BBOX1: variants seen among roughly 807,000 people sequenced by gnomAD.
The protein encoded by BBOX1 is gamma-butyrobetaine hydroxylase 1, also known as gamma-butyrobetaine dioxygenase.
Under a neutral mutation model 41.6 loss-of-function variants are expected in BBOX1, and 35 were observed. The observed-to-expected ratio is 0.84, with a 90% CI of 0.64 to 1.11. BBOX1 has a LOEUF of 1.11. Among genes scored for constraint, BBOX1 ranks in the 50% most tolerant of loss-of-function variants. The pLI, the probability that BBOX1 is intolerant of heterozygous loss-of-function variation, is 0.00. For synonymous variants in BBOX1, 163 were observed against 154.7 expected (o/e 1.05, Z -0.40); for missense variants, 458 against 460.6 (o/e 0.99, Z 0.05).
chr11:27,093,027 C>T (rs1302227384), intron 4 of BBOX1, 141 bp from the exon 5 acceptor site: 4 of 834,422 alleles, frequency 4.8e-6, no homozygotes, highest in Non-Finnish European at 7.3e-6. Flanking sequence ...GTGACTTGGG[C>T]ATTTCTAATA....
chr11:27,119,589 A>G, intron 6 of BBOX1, 60 bp from the exon 7 acceptor site: 1 of 949,004 alleles, frequency 1.1e-6, no homozygotes, highest in Non-Finnish European at 1.4e-6. Context: ...TTGAAGATTA[A>G]TTCTAATAAT....
intron 5 of BBOX1, among the ~76,000 whole-genome samples, chr11:27,110,798 G>T (rs982807886): frequency 1.3e-5 from 2 of 151,784 alleles, no homozygotes; most frequent in African/African-American, 4.8e-5. Context: ...CTAAATCAAT[G>T]ACTGAAATAG....
intron 4 of BBOX1, among the ~76,000 whole-genome samples, chr11:27,069,025 T>C (rs1857368788): frequency 6.6e-6 from 1 of 151,788 alleles, no homozygotes; most frequent in South Asian, 2.1e-4. Context: ...GATTTGCTCT[T>C]TTTTTTTAGG....
At chr11:27,071,640 T>A (rs1590185193) in intron 4 of BBOX1, among the ~76,000 whole-genome samples, 1 of 152,084 alleles carries the variant, frequency 6.6e-6, no homozygotes, top group Admixed American at 6.6e-5. Context: ...TAGACCAATA[T>A]CCCTGATGAA....
chr11:27,115,564 G>C lies in BBOX1; in HGVS notation c.639+7G>C, dbSNP rs2134095058. The C allele has an allele frequency of 6.3e-7, 1 of 1,591,532 alleles. No homozygotes were observed. Among genetic ancestry groups the C allele is most frequent in the South Asian group, 1.1e-5 (1 of 89,070 alleles). On this transcript the variant is annotated splice_region_variant and intron_variant, in intron 6 of 8. Coordinates refer to ENST00000263182, the MANE Select transcript of BBOX1 (RefSeq NM_003986.3). ...CCTCCATCATCCACCTGGGGTAAGTGAGCTTCAACATATTTTCCACAAAGC... is the reference window on the plus strand; with the variant it reads ...CCTCCATCATCCACCTGGGGTAAGTCAGCTTCAACATATTTTCCACAAAGC...
intron 4 of BBOX1, among the ~76,000 whole-genome samples, chr11:27,073,918 T>C (rs562088539): frequency 6.6e-6 from 1 of 150,408 alleles, no homozygotes; most frequent in South Asian, 2.1e-4. Context: ...TGTTGTGGGG[T>C]GGGGGTAAGG....
intron 4 of BBOX1, among the ~76,000 whole-genome samples, chr11:27,076,422 T>C (rs1295036964): frequency 6.6e-6 from 1 of 152,196 alleles, no homozygotes; most frequent in Non-Finnish European, 1.5e-5. Flanking sequence ...GCAACGGTGA[T>C]AGCTGAGGTA....
At chr11:27,066,920 T>C (rs776271643) in intron 4 of BBOX1, among the ~76,000 whole-genome samples, 6 of 152,192 alleles carry the variant, frequency 3.9e-5, no homozygotes, top group Non-Finnish European at 5.9e-5. Flanking sequence ...ACTTTGTTAT[T>C]AATCAATAAG....
intron 4 of BBOX1, among the ~76,000 whole-genome samples, chr11:27,062,651 G>A (rs1454571692): frequency 2.6e-5 from 4 of 151,628 alleles, no homozygotes; most frequent in Non-Finnish European, 5.9e-5. Flanking sequence ...CTCTGCCCCC[G>A]GGTTCAAGTG....
chr11:27,052,931 G>A (rs908455040), intron 2 of BBOX1, among the ~76,000 whole-genome samples: 2 of 151,736 alleles, frequency 1.3e-5, no homozygotes, highest in African/African-American at 4.8e-5. Context: ...ACAGCATATG[G>A]CAGCCAAGTC....
In BBOX1 at chr11:27,077,953, G is replaced by A. The variant is rs112778316; in HGVS notation, c.335-15215G>A. On this transcript the variant is annotated intron_variant, in intron 4 of 8. Transcript: ENST00000263182. ...CCCCTGAGGCTCACAATCATCTCTC[G>A]TTCCCCTTGCTCATGTGTCTCATTG... Among the ~76,000 whole-genome samples the A allele has an allele frequency of 8.7e-3, 1,321 of 151,988 alleles. 19 individuals are homozygous for A. The highest frequency in any genetic ancestry group is 0.031 in the African/African-American group (1,266 of 41,430).
chr11:27,061,721 T>C (rs1032962646), intron 4 of BBOX1, among the ~76,000 whole-genome samples: 1 of 152,188 alleles, frequency 6.6e-6, no homozygotes, highest in East Asian at 1.9e-4. Flanking sequence ...CCCCTGGCAC[T>C]CGCTGTTGAA....
intron 4 of BBOX1, among the ~76,000 whole-genome samples, chr11:27,092,613 C>G (rs1050418744): frequency 6.6e-6 from 1 of 151,918 alleles, no homozygotes; most frequent in Non-Finnish European, 1.5e-5. Context: ...CAGGAATATA[C>G]CTTCATCTTT....
chr11:27,059,068 A>T (rs1001387790), intron 4 of BBOX1, among the ~76,000 whole-genome samples: 9 of 152,180 alleles, frequency 5.9e-5, no homozygotes, highest in South Asian at 4.1e-4. Context: ...CTCCCATCAC[A>T]GACCCAGAGG....
intron 5 of BBOX1, among the ~76,000 whole-genome samples, chr11:27,112,310 G>T (rs532169856): frequency 1.3e-5 from 2 of 152,074 alleles, no homozygotes; most frequent in East Asian, 3.9e-4. Context: ...GCAAGGAAAT[G>T]ATAGCTATAG....
intron 5 of BBOX1, among the ~76,000 whole-genome samples, chr11:27,107,411 A>G (rs901959802): frequency 1.6e-4 from 25 of 152,110 alleles, no homozygotes; most frequent in African/African-American, 6.0e-4. Flanking sequence ...TATTTGTTTA[A>G]AACAGCATCT....
At chr11:27,088,950 C>G (rs1858138667) in intron 4 of BBOX1, among the ~76,000 whole-genome samples, 1 of 151,952 alleles carries the variant, frequency 6.6e-6, no homozygotes, top group Non-Finnish European at 1.5e-5. Context: ...TTCTATGTGC[C>G]ATGTACTGTA....
At chr11:27,108,480 A>C (rs2134078849) in intron 5 of BBOX1, among the ~76,000 whole-genome samples, 1 of 152,150 alleles carries the variant, frequency 6.6e-6, no homozygotes, top group African/African-American at 2.4e-5. Flanking sequence ...ATCTCTTCTC[A>C]TATGTTGATT....
At chr11:27,064,334 T>C (rs536015032) in intron 4 of BBOX1, among the ~76,000 whole-genome samples, 56 of 152,218 alleles carry the variant, frequency 3.7e-4, no homozygotes, top group Non-Finnish European at 6.8e-4. Flanking sequence ...CCGAAATGCA[T>C]TCCATTCCCA....
Sources: gnomAD v4.1 joint callset for allele counts (sites outside exome capture counted in the v4.1 genomes callset) on GRCh38, gnomAD v4.1.1 for gene constraint, MANE v1.5 for transcripts, NCBI Gene and HGNC (gene_info 2026-07-23, HGNC 2026-07-21) for gene names.